Variants in CDC7 observed in about 807,000 individuals in gnomAD.
CDC7 encodes the protein cell division cycle 7-related protein kinase.
In CDC7, 34 loss-of-function variants were observed where a neutral mutation model predicts 53.5. The ratio of observed to expected loss-of-function variants is 0.64; its 90% CI spans 0.48 to 0.85. The LOEUF (loss-of-function observed/expected upper bound fraction) is 0.85. Among genes scored for constraint, CDC7 ranks in the 40% least tolerant of loss-of-function variants. The pLI, the probability that CDC7 is intolerant of heterozygous loss-of-function variation, is 0.00. For synonymous variants in CDC7, 211 were observed against 222.8 expected, an observed-to-expected ratio of 0.95 and a Z score of 0.47; for missense variants, 594 against 679.7, an observed-to-expected ratio of 0.87 and a Z score of 1.40.
chr1:91,520,361 T>G (rs1571338587), intron 11 of CDC7, 82 bp downstream of exon 11: 1 of 1,171,686 alleles, frequency 8.5e-7, no homozygotes, highest in East Asian at 2.6e-5. Context: ...TTGTGAAATT[T>G]TCTTTACAAA....
At chr1:91,517,320 G>C (rs1280362703) in intron 10 of CDC7, among the ~76,000 whole-genome samples, 1 of 152,094 alleles carries the variant, frequency 6.6e-6, no homozygotes, top group African/African-American at 2.4e-5. Context: ...ATGTGAATGA[G>C]GGTATTGGTA....
chr1:91,518,247 C>T (rs1478376519), intron 10 of CDC7, among the ~76,000 whole-genome samples: 1 of 150,474 alleles, frequency 6.6e-6, no homozygotes, highest in Non-Finnish European at 1.5e-5. Context: ...TAGTCGTAAT[C>T]TTTAACTACC....
intron 6 of CDC7, 35 bp from the exon 7 acceptor site, chr1:91,513,023 A>G (rs2102364013): frequency 6.3e-7 from 1 of 1,596,142 alleles, no homozygotes; most frequent in South Asian, 1.1e-5. Flanking sequence ...TTTAATTGCT[A>G]CAGATAAGTA....
At chr1:91,518,943 C>T (rs1667751109) in intron 10 of CDC7, among the ~76,000 whole-genome samples, 1 of 151,380 alleles carries the variant, frequency 6.6e-6, no homozygotes, top group Non-Finnish European at 1.5e-5. Context: ...CATCTGTGGT[C>T]CCAGCTACTC....
At chr1:91,516,818 A>G (rs1014621040) in intron 10 of CDC7, among the ~76,000 whole-genome samples, 2 of 152,148 alleles carry the variant, frequency 1.3e-5, no homozygotes, top group Non-Finnish European at 2.9e-5. Context: ...TAATCCCAGC[A>G]CTTTCGGAGG....
At chr1:91,511,487 T>C in intron 4 of CDC7, 110 bp from the exon 5 acceptor site, 1 of 633,224 alleles carries the variant, frequency 1.6e-6, no homozygotes, top group Non-Finnish European at 2.8e-6. Context: ...TTTAAGTCAG[T>C]TTTCTAGCAA....
chr1:91,520,682 A>G (rs1385542772), intron 11 of CDC7, among the ~76,000 whole-genome samples: 1 of 152,190 alleles, frequency 6.6e-6, no homozygotes, highest in African/African-American at 2.4e-5. Flanking sequence ...CTTGGTACTT[A>G]GAGTGTCCTT....
chr1:91,501,623 CT>C, intron 1 of CDC7, 30 bp from the exon 2 acceptor site: 2 of 895,548 alleles, frequency 2.2e-6, no homozygotes, highest in Non-Finnish European at 3.7e-6. Context: ...AGCGAGTGAT[CT>C]AAATTTCTCT....
chr1:91,505,423 G>C (rs1465218206), intron 2 of CDC7, among the ~76,000 whole-genome samples: 1 of 152,178 alleles, frequency 6.6e-6, no homozygotes, highest in Non-Finnish European at 1.5e-5. Context: ...CAAGCCGACT[G>C]GCTACTATGT....
chr1:91,514,438 G>T (rs1445544809), intron 8 of CDC7, among the ~76,000 whole-genome samples: 2 of 152,156 alleles, frequency 1.3e-5, no homozygotes, highest in Admixed American at 6.5e-5. Context: ...ATGATATCTT[G>T]TGACAGCTAG....
chr1:91,509,276 A>G (rs1383387644), intron 4 of CDC7, among the ~76,000 whole-genome samples: 1 of 151,966 alleles, frequency 6.6e-6, no homozygotes, highest in Non-Finnish European at 1.5e-5. Context: ...TATCTTAACT[A>G]CAGGTTTGTG....
chr1:91,515,454 C>T (rs1667509303), intron 9 of CDC7, among the ~76,000 whole-genome samples: 2 of 152,094 alleles, frequency 1.3e-5, no homozygotes, highest in African/African-American at 4.8e-5. Flanking sequence ...ATAAGTGTAT[C>T]TGTGATCAAT....
chr1:91,515,768 C>T, intron 9 of CDC7, 26 bp from the exon 10 acceptor site: 1 of 1,610,728 alleles, frequency 6.2e-7, no homozygotes, highest in Admixed American at 1.7e-5. Context: ...TTTAACATAA[C>T]TAGAGAAATC....
intron 2 of CDC7, 44 bp from the exon 3 acceptor site, chr1:91,507,810 A>G: frequency 8.7e-7 from 1 of 1,154,356 alleles, no homozygotes. Flanking sequence ...ACTGTAAAAT[A>G]TACTGTCATT....
intron 11 of CDC7, among the ~76,000 whole-genome samples, chr1:91,522,394 G>T (rs1235468022): frequency 6.6e-6 from 1 of 152,014 alleles, no homozygotes; most frequent in Non-Finnish European, 1.5e-5. Flanking sequence ...CTTAAACCTG[G>T]CTCCATTGTG....
chr1:91,520,279 G>T lies in CDC7; in HGVS notation c.1330G>T (p.Gly444Trp). 1 of 1,589,018 alleles carries T rather than the reference G, an allele frequency of 6.3e-7. No individual in the cohort carries two copies. Among genetic ancestry groups the T allele is most frequent in the South Asian group, 1.2e-5 (1 of 85,666 alleles). ...AACTATCCAAGCTGCTAAAACTTTT[G>T]GTAAGCAGTTTTGTATTATAGAACC... ...RETIQAAKTF[G>W]KSILCSKEVP... Residue 444 changes from glycine to tryptophan, a missense_variant and splice_region_variant, in exon 11 of 12, where the codon GGG (glycine) becomes TGG (tryptophan). Transcript: ENST00000234626.
intron 4 of CDC7, among the ~76,000 whole-genome samples, chr1:91,509,641 G>C (rs1165775273): frequency 6.6e-6 from 1 of 151,932 alleles, no homozygotes; most frequent in Non-Finnish European, 1.5e-5. Flanking sequence ...CCTTAATTCT[G>C]TCTTTACACA....
intron 1 of CDC7, 90 bp downstream of exon 1, chr1:91,501,038 G>C (rs1266596123): frequency 6.6e-6 from 1 of 152,304 alleles, no homozygotes; most frequent in East Asian, 1.9e-4. Flanking sequence ...TCGCCGTGCA[G>C]TTCCTTTTCC....
chr1:91,509,442 C>G (rs1325886492), intron 4 of CDC7, among the ~76,000 whole-genome samples: 1 of 151,540 alleles, frequency 6.6e-6, no homozygotes, highest in Non-Finnish European at 1.5e-5. Flanking sequence ...CATCTACACA[C>G]TTGTTTGGGC....
Sources: allele counts gnomAD v4.1 joint callset (sites outside exome capture counted in the v4.1 genomes callset), GRCh38; gene constraint gnomAD v4.1.1; transcripts MANE v1.5; gene names NCBI Gene and HGNC (gene_info 2026-07-23, HGNC 2026-07-21).